Variants in FLT1 observed in about 807,000 individuals in gnomAD.
FLT1 encodes the protein fms related receptor tyrosine kinase 1, also known as vascular endothelial growth factor receptor 1.
FLT1 carries 49 observed loss-of-function variants against 156.3 expected under a neutral mutation model. The observed-to-expected ratio is 0.31, with a 90% CI of 0.25 to 0.40. The LOEUF is 0.40. Ranked by LOEUF, FLT1 falls within the 10% of genes least tolerant of loss-of-function variation. The pLI, the probability that FLT1 is intolerant of heterozygous loss-of-function variation, is 1.00. For missense variants in FLT1, 1,322 were observed against 1,637.2 expected, an observed-to-expected ratio of 0.81 and a Z score of 3.32; for synonymous variants, 594 against 583.8, an observed-to-expected ratio of 1.02 and a Z score of -0.25.
chr13:28,310,358 G>T (rs1171279601), intron 27 of FLT1, among the ~76,000 whole-genome samples: 1 of 152,172 alleles, frequency 6.6e-6, no homozygotes, highest in Non-Finnish European at 1.5e-5. Flanking sequence ...CAGGGAGGGA[G>T]GGTCAGAACT....
intron 3 of FLT1, among the ~76,000 whole-genome samples, chr13:28,465,837 A>C (rs1002123123): frequency 6.7e-6 from 1 of 148,394 alleles, no homozygotes; most frequent in Admixed American, 6.6e-5. Flanking sequence ...CTCCATCTCA[A>C]AAAAACAAAC....
At chr13:28,366,868 G>A (rs2137422073) in intron 14 of FLT1, among the ~76,000 whole-genome samples, 2 of 152,240 alleles carry the variant, frequency 1.3e-5, no homozygotes, top group African/African-American at 4.8e-5. Flanking sequence ...TCATAAAATT[G>A]CTGACTTTCT....
chr13:28,464,822 G>A (rs545432175), intron 3 of FLT1, among the ~76,000 whole-genome samples: 3 of 152,258 alleles, frequency 2.0e-5, no homozygotes, highest in African/African-American at 7.2e-5. Flanking sequence ...GGTGAAAATA[G>A]CTGAACACTA....
In FLT1 at chr13:28,303,502, C is replaced by CT. The variant is rs796384229; in HGVS notation, c.3816-135_3816-134insA. On this transcript the variant is annotated intron_variant, in intron 29 of 29. Coordinates refer to ENST00000282397, the MANE Select transcript of FLT1 (RefSeq NM_002019.4). ...GTTCATGGTTTTGGAACCCCCCCCC[C>CT]CTCAATTGCTGTCAGATTTCCTCTG... The CT allele has an allele frequency of 1.0e-4, 78 of 771,450 alleles. 1 individual carries two copies. The Middle Eastern group carries it at 1.8e-3, about 18-fold the overall frequency. 47.8% of individuals were successfully genotyped at this position (771,450 alleles called of 1,614,324 possible).
chr13:28,358,769 A>C (rs1873001904), intron 14 of FLT1, among the ~76,000 whole-genome samples: 1 of 152,210 alleles, frequency 6.6e-6, no homozygotes, highest in African/African-American at 2.4e-5. Context: ...ACAAGCCAAC[A>C]AATAGAAAAT....
At chr13:28,321,718 CA>C in intron 22 of FLT1, 133 bp from the exon 23 acceptor site, 1 of 848,368 alleles carries the variant, frequency 1.2e-6, no homozygotes, top group Non-Finnish European at 1.9e-6. Context: ...TCGGTGCACA[CA>C]GAGTTACCAT....
intron 29 of FLT1, 73 bp from the exon 30 acceptor site, chr13:28,303,441 C>A: frequency 7.7e-7 from 1 of 1,306,456 alleles, no homozygotes; most frequent in South Asian, 1.2e-5. Context: ...AAAATCTACT[C>A]TTTCTGAGTG....
intron 27 of FLT1, among the ~76,000 whole-genome samples, chr13:28,310,466 A>G (rs1161373812): frequency 6.6e-6 from 1 of 152,112 alleles, no homozygotes; most frequent in Non-Finnish European, 1.5e-5. Flanking sequence ...AACGGGAATG[A>G]TATGTTCTTC....
intron 11 of FLT1, among the ~76,000 whole-genome samples, chr13:28,402,300 T>G (rs1048662078): frequency 1.3e-5 from 2 of 152,188 alleles, no homozygotes; most frequent in African/African-American, 4.8e-5. Flanking sequence ...TTAATTTGCT[T>G]TCTAAAAATG....
intron 18 of FLT1, among the ~76,000 whole-genome samples, chr13:28,330,718 T>A (rs1423437434): frequency 6.6e-6 from 1 of 151,134 alleles, no homozygotes; most frequent in Non-Finnish European, 1.5e-5. Flanking sequence ...TTATTTTTTA[T>A]TTTTATTTTT....
chr13:28,393,043 T>C (rs1184330057), intron 12 of FLT1, among the ~76,000 whole-genome samples: 1 of 152,116 alleles, frequency 6.6e-6, no homozygotes, highest in African/African-American at 2.4e-5. Flanking sequence ...CAAGAAAGAA[T>C]TGCCTTCTAA....
intron 6 of FLT1, among the ~76,000 whole-genome samples, chr13:28,432,256 GTT>G: frequency 7.4e-6 from 1 of 134,546 alleles, no homozygotes; most frequent in East Asian, 2.6e-4. Flanking sequence ...CTTGAGCTTA[GTT>G]CTCCTCTGTG....
rs1271828292 is a variant in FLT1, at chr13:28,319,509, G to C, written c.3200C>G (p.Ala1067Gly). 1.2e-6 allele frequency: 2 copies of C among 1,613,456 alleles called. No homozygotes were observed. Among genetic ancestry groups the C allele is most frequent in the Non-Finnish European group, 1.7e-6 (2 of 1,179,442 alleles). ...GDTRLPLKWM[A>G]PESIFDKIYS... ...GATTTTGTCAAAGATAGATTCAGGAGCCATCCATTTCAGAGGAAGTCGAGT... is the reference window on the plus strand; with the variant it reads ...GATTTTGTCAAAGATAGATTCAGGACCCATCCATTTCAGAGGAAGTCGAGT... Residue 1067 changes from alanine to glycine, a missense_variant, in exon 24 of 30, where the codon GCT becomes GGT. Transcript: ENST00000282397.
At chr13:28,443,739 G>A (rs1395249464) in intron 3 of FLT1, among the ~76,000 whole-genome samples, 11 of 152,152 alleles carry the variant, frequency 7.2e-5, no homozygotes, top group Non-Finnish European at 1.0e-4. Context: ...ATTGTGGACC[G>A]TAAGTAATAC....
intron 10 of FLT1, among the ~76,000 whole-genome samples, chr13:28,415,339 G>C (rs1466321359): frequency 6.6e-6 from 1 of 152,138 alleles, no homozygotes; most frequent in Non-Finnish European, 1.5e-5. Flanking sequence ...AAATTAGCCA[G>C]GCGTGGTGGC....
intron 1 of FLT1, among the ~76,000 whole-genome samples, chr13:28,475,056 C>T (rs141314081): frequency 1.9e-4 from 29 of 152,268 alleles, no homozygotes; most frequent in African/African-American, 6.7e-4. Flanking sequence ...ACCTAATTTT[C>T]CCTTAATGTT....
chr13:28,345,517 A>T lies in FLT1; in HGVS notation c.2283T>A (p.Thr761=), dbSNP rs551963794. 1 of 1,612,838 alleles carries T rather than the reference A, an allele frequency of 6.2e-7. No homozygotes were observed. Among genetic ancestry groups the T allele is most frequent in the South Asian group, 1.1e-5 (1 of 90,836 alleles). ...TSDKSNLELI[T]LTCTCVAATL... ...TCGCAGCCACACAGGTGCATGTTAG[A>T]GTGATCAGCTCCAGATTAGACTTGT... The change falls in exon 16 of 30, where the codon ACT becomes ACA. Residue 761 remains threonine, a synonymous_variant. Coordinates refer to ENST00000282397, the MANE Select transcript of FLT1 (RefSeq NM_002019.4).
intron 20 of FLT1, among the ~76,000 whole-genome samples, chr13:28,326,158 AT>A (rs1871670892): frequency 6.6e-6 from 1 of 152,218 alleles, no homozygotes; most frequent in Non-Finnish European, 1.5e-5. Context: ...GATGATTAAC[AT>A]TTATTGAATG....
At chr13:28,479,311 T>C (rs1383715680) in intron 1 of FLT1, among the ~76,000 whole-genome samples, 8 of 152,216 alleles carry the variant, frequency 5.3e-5, no homozygotes, top group African/African-American at 1.9e-4. Flanking sequence ...CATAATCAGT[T>C]TCCTTCTAAG....
Sources: allele counts gnomAD v4.1 joint callset (sites outside exome capture counted in the v4.1 genomes callset), GRCh38; gene constraint gnomAD v4.1.1; transcripts MANE v1.5; gene names NCBI Gene and HGNC (gene_info 2026-07-23, HGNC 2026-07-21).